DROSHA: variants seen among roughly 807,000 people sequenced by gnomAD.
DROSHA encodes the protein drosha ribonuclease III, also known as ribonuclease 3.
Under a neutral mutation model 181.9 loss-of-function variants are expected in DROSHA, and 56 were observed. The observed-to-expected ratio is 0.31, with a 90% CI of 0.25 to 0.38. The LOEUF (loss-of-function observed/expected upper bound fraction) is 0.38. DROSHA is among the 10% of genes least tolerant of loss of function. The pLI, the probability that DROSHA is intolerant of heterozygous loss-of-function variation, is 1.00. For synonymous variants in DROSHA, 524 were observed against 591.2 expected (o/e 0.89, Z 1.65); for missense variants, 1,218 against 1,743.5 (o/e 0.70, Z 5.37).
intron 25 of DROSHA, among the ~76,000 whole-genome samples, chr5:31,433,016 A>G (rs969791188): frequency 4.6e-5 from 7 of 152,246 alleles, no homozygotes; most frequent in Admixed American, 4.6e-4. Context: ...ATGTAATTCA[A>G]TTCAATAAAT....
chr5:31,416,452 T>C (rs535176698), intron 30 of DROSHA, among the ~76,000 whole-genome samples: 45 of 152,182 alleles, frequency 3.0e-4, no homozygotes, highest in Middle Eastern at 6.8e-3. Context: ...AACAAAAACA[T>C]GCTCTCAAAG....
chr5:31,403,349 A>G (rs1029703684), intron 35 of DROSHA, among the ~76,000 whole-genome samples: 2 of 152,242 alleles, frequency 1.3e-5, no homozygotes, highest in Admixed American at 6.5e-5. Flanking sequence ...ATATCCTTAT[A>G]GCCCTTTTCC....
At chr5:31,492,493 C>G (rs545573454) in intron 13 of DROSHA, among the ~76,000 whole-genome samples, 1 of 152,314 alleles carries the variant, frequency 6.6e-6, no homozygotes, top group East Asian at 1.9e-4. Context: ...TGTGGATATA[C>G]AATAGCTACA....
chr5:31,434,455 G>A lies in DROSHA; in HGVS notation c.3042+1310C>T, dbSNP rs540971855. Among the ~76,000 whole-genome samples, 6 of 152,298 alleles carry A rather than the reference G, an allele frequency of 3.9e-5. No individual in the cohort carries two copies. In the East Asian group the frequency reaches 1.2e-3, roughly 29 times the overall value. On this transcript the variant is annotated intron_variant, in intron 25 of 35. Transcript: ENST00000344624. ...TTCATTGTGAGCCTGCTAAAACCAA[G>A]TTGGCTTACCTGGTTGCTTACAGGT... is the stretch of plus-strand genomic sequence containing the variant.
chr5:31,435,565 T>C (rs1744686192), intron 25 of DROSHA, among the ~76,000 whole-genome samples, 200 bp downstream of exon 25: 1 of 152,214 alleles, frequency 6.6e-6, no homozygotes, highest in African/African-American at 2.4e-5. Context: ...TGGAGTTCAT[T>C]AGCTGCTGGT....
chr5:31,414,703 C>T (rs574113432), intron 30 of DROSHA, among the ~76,000 whole-genome samples: 19 of 152,208 alleles, frequency 1.2e-4, no homozygotes, highest in African/African-American at 3.6e-4. Flanking sequence ...CATCATAATT[C>T]GACAAAATAT....
intron 8 of DROSHA, among the ~76,000 whole-genome samples, 193 bp from the exon 9 acceptor site, chr5:31,511,369 C>G (rs1738647427): frequency 6.6e-6 from 1 of 152,170 alleles, no homozygotes. Context: ...ACACTTATCG[C>G]TGACACAGTC....
Position 31,491,439 on chromosome 5 carries a change from G to A in DROSHA, c.1842+1768C>T, listed in dbSNP as rs189879944. Among the ~76,000 whole-genome samples the A allele has an allele frequency of 9.7e-4, 147 of 152,200 alleles. 1 individual carries two copies. The highest frequency in any genetic ancestry group is 8.1e-3 in the South Asian group (39 of 4,826). On this transcript the variant is annotated intron_variant, in intron 13 of 35. Coordinates refer to ENST00000344624, the MANE Select transcript of DROSHA (RefSeq NM_001382508.1). The stretch of plus-strand genomic sequence containing the variant: ...GAGCTATCACTAATTTTAAACCCTG[G>A]TCTCTCTAAAGCCACACTGCTATCC...
rs1226092566 is a variant in DROSHA at position 31,468,047 on chromosome 5, C to T, written c.2258G>A (p.Arg753His). 2 of 1,610,578 alleles carry T rather than the reference C, an allele frequency of 1.2e-6. No individual in the cohort carries two copies. Among genetic ancestry groups the T allele is most frequent in the Non-Finnish European group, 1.7e-6 (2 of 1,178,264 alleles). Residue 753 changes from arginine (R) to histidine (H), a missense_variant, in exon 18 of 36, where the codon CGT (arginine) becomes CAT (histidine). Arg to His is a conservative substitution (Grantham distance 29). Coordinates refer to ENST00000344624, the MANE Select transcript of DROSHA (RefSeq NM_001382508.1). ...TNPGTKPSSVRIDQLDREQFN... is the reference protein window; with the variant it reads ...TNPGTKPSSVHIDQLDREQFN... ...CTGTTCACGATCCAGTTGATCGATA[C>T]GGACAGAGCTTGGTTTCTAGAGAGA...
At chr5:31,461,673 A>C (rs528504368) in intron 20 of DROSHA, among the ~76,000 whole-genome samples, 1 of 152,250 alleles carries the variant, frequency 6.6e-6, no homozygotes, top group Non-Finnish European at 1.5e-5. Flanking sequence ...TATTTGTTGC[A>C]AAAATACTTA....
At chr5:31,401,819 G>A (rs983117591) in intron 35 of DROSHA, among the ~76,000 whole-genome samples, 6 of 152,208 alleles carry the variant, frequency 3.9e-5, no homozygotes, top group South Asian at 2.1e-4. Context: ...AGCAGGCACC[G>A]AACATACAGA....
At chr5:31,484,175 A>T (rs4867333) in intron 15 of DROSHA, among the ~76,000 whole-genome samples, 139,439 of 151,884 alleles carry the variant, frequency 0.92, 64,377 homozygotes, top group Non-Finnish European at 0.98. Context: ...ATCGAGACCA[A>T]CCTGGCTAAC....
intron 29 of DROSHA, among the ~76,000 whole-genome samples, chr5:31,422,136 C>T (rs917585210): frequency 2.0e-5 from 3 of 150,112 alleles, no homozygotes; most frequent in African/African-American, 7.4e-5. Flanking sequence ...AAATAACATA[C>T]TCCATTATTC....
At chr5:31,468,179 G>A (rs190954885) in intron 17 of DROSHA, 116 bp from the exon 18 acceptor site, 94 of 1,230,242 alleles carry the variant, frequency 7.6e-5, no homozygotes, top group Non-Finnish European at 9.7e-5. Flanking sequence ...GTCCCCAAAG[G>A]GAAAAGGTCA....
rs548708877 is a variant in DROSHA, at chr5:31,494,692, A to G, written c.1755+594T>C. 3.9e-5 allele frequency among the ~76,000 whole-genome samples: 6 copies of G among 152,152 alleles called. 1 individual carries two copies. Among genetic ancestry groups the G allele is most frequent in the African/African-American group, 1.4e-4 (6 of 41,534 alleles). On this transcript the variant is annotated intron_variant, in intron 12 of 35. Coordinates refer to ENST00000344624, the MANE Select transcript of DROSHA (RefSeq NM_001382508.1). ...AACAGTTTGGCATTTCTTCAAAAAA[A>G]AATTTTTTTTTTTGAGACAGTCTCA...
intron 11 of DROSHA, among the ~76,000 whole-genome samples, chr5:31,495,588 T>C (rs1029993368): frequency 3.9e-5 from 6 of 152,130 alleles, no homozygotes; most frequent in Admixed American, 1.3e-4. Context: ...CAGGTGCTGG[T>C]GAAGCAAGGA....
chr5:31,523,336 T>A (rs1176543348), intron 5 of DROSHA, among the ~76,000 whole-genome samples: 1 of 152,234 alleles, frequency 6.6e-6, no homozygotes, highest in East Asian at 1.9e-4. Flanking sequence ...ATCCTCATAG[T>A]AAAGGAGTGT....
chr5:31,433,120 CAT>C (rs1744366656), intron 25 of DROSHA, among the ~76,000 whole-genome samples: 1 of 152,086 alleles, frequency 6.6e-6, no homozygotes, highest in Non-Finnish European at 1.5e-5. Flanking sequence ...AGACAAAAGA[CAT>C]AGATTCTGTG....
Position 31,483,745 on chromosome 5 carries a change from G to C in DROSHA, c.1997-117C>G, listed in dbSNP as rs558408475. ...CACAAAAACTACCACCAGAAGTAGA[G>C]GCATAAAAATTACCACCACCTCCTG... is the stretch of plus-strand genomic sequence containing the variant. On this transcript the variant is annotated intron_variant, in intron 15 of 35. Coordinates refer to ENST00000344624, the MANE Select transcript of DROSHA (RefSeq NM_001382508.1). 2.3e-5 allele frequency: 24 copies of C among 1,027,134 alleles called. No homozygotes were observed. The African/African-American group carries it at 3.9e-4, about 17-fold the overall frequency. 63.6% of individuals were successfully genotyped at this position (1,027,134 alleles called of 1,614,324 possible). A position where few individuals can be genotyped will look rare whatever the true frequency, so the allele number is the denominator to read the frequency against.
Sources: allele counts gnomAD v4.1 joint callset (sites outside exome capture counted in the v4.1 genomes callset), GRCh38; gene constraint gnomAD v4.1.1; transcripts MANE v1.5; gene names NCBI Gene and HGNC (gene_info 2026-07-23, HGNC 2026-07-21).